GALNTL5: variants seen among roughly 807,000 people sequenced by gnomAD.
GALNTL5 encodes the protein inactive polypeptide N-acetylgalactosaminyltransferase-like protein 5.
Under a neutral mutation model 51.0 loss-of-function variants are expected in GALNTL5, and 44 were observed. The ratio of observed to expected loss-of-function variants is 0.86; its 90% CI spans 0.68 to 1.11. The LOEUF is 1.11. GALNTL5 is among the 50% of genes least tolerant of loss of function. The pLI, the probability that GALNTL5 is intolerant of heterozygous loss-of-function variation, is 0.00. For synonymous variants in GALNTL5, 192 were observed against 182.8 expected (o/e 1.05, Z -0.41); for missense variants, 528 against 531.8 (o/e 0.99, Z 0.07).
chr7:151,968,359 A>C (rs1380534795), intron 2 of GALNTL5, among the ~76,000 whole-genome samples: 1 of 152,222 alleles, frequency 6.6e-6, no homozygotes, highest in Non-Finnish European at 1.5e-5. Flanking sequence ...ATAAACCCAA[A>C]GAAAGATGAA....
chr7:151,996,477 C>T (rs556403921), intron 5 of GALNTL5, among the ~76,000 whole-genome samples: 4 of 152,234 alleles, frequency 2.6e-5, no homozygotes, highest in South Asian at 2.1e-4. Flanking sequence ...CCGTGGCTCA[C>T]GCCTGTAATC....
intron 6 of GALNTL5, among the ~76,000 whole-genome samples, chr7:152,006,352 G>T (rs575487300): frequency 2.0e-5 from 3 of 152,206 alleles, no homozygotes; most frequent in Non-Finnish European, 4.4e-5. Context: ...GCTTTAATAC[G>T]AAAGAGAGAA....
At chr7:152,008,642 C>T (rs138399130) in intron 7 of GALNTL5, among the ~76,000 whole-genome samples, 144 of 151,872 alleles carry the variant, frequency 9.5e-4, no homozygotes, top group African/African-American at 3.4e-3. Context: ...GCTTCAGATA[C>T]TTGATTATGC....
rs2081622773 is a variant in GALNTL5 at position 152,004,743 on chromosome 7, G to A, written c.908+1780G>A. ...TCTGGATTGTTTCACTTAAGATAAT[G>A]GCCTCCAGTTCCATCCATGTTGCAG... On this transcript the variant is annotated intron_variant, in intron 6 of 8. Coordinates refer to ENST00000392800, the MANE Select transcript of GALNTL5 (RefSeq NM_145292.4). 2.0e-5 allele frequency among the ~76,000 whole-genome samples: 3 copies of A among 152,112 alleles called. No individual in the cohort carries two copies. The South Asian group carries it at 6.2e-4, about 32-fold the overall frequency.
At chr7:152,014,546 G>A in intron 7 of GALNTL5, 98 bp from the exon 8 acceptor site, 2 of 1,213,016 alleles carry the variant, frequency 1.6e-6, no homozygotes. Context: ...GGGATTACAG[G>A]CATGAGCCAC....
intron 1 of GALNTL5, among the ~76,000 whole-genome samples, chr7:151,960,930 T>C (rs1182007874): frequency 6.6e-6 from 1 of 152,208 alleles, no homozygotes; most frequent in Non-Finnish European, 1.5e-5. Context: ...TTTGATGCCA[T>C]GGAATTGCTC....
intron 3 of GALNTL5, among the ~76,000 whole-genome samples, chr7:151,980,038 A>G (rs2081259467): frequency 6.6e-6 from 1 of 151,366 alleles, no homozygotes; most frequent in African/African-American, 2.5e-5. Flanking sequence ...GTCTAGTATC[A>G]TATTTTCTCT....
At chr7:152,014,369 G>C (rs1404207229) in intron 7 of GALNTL5, among the ~76,000 whole-genome samples, 1 of 152,052 alleles carries the variant, frequency 6.6e-6, no homozygotes, top group Non-Finnish European at 1.5e-5. Flanking sequence ...CTGAGTTCAA[G>C]CAATTCTCCT....
At chr7:151,981,037 G>T (rs187069058) in intron 3 of GALNTL5, among the ~76,000 whole-genome samples, 1 of 151,952 alleles carries the variant, frequency 6.6e-6, no homozygotes, top group Non-Finnish European at 1.5e-5. Flanking sequence ...GAGCCACCGC[G>T]CCCGGCCACA....
At chr7:151,988,385 C>T (rs955108105) in intron 5 of GALNTL5, among the ~76,000 whole-genome samples, 2 of 152,132 alleles carry the variant, frequency 1.3e-5, no homozygotes, top group Non-Finnish European at 2.9e-5. Flanking sequence ...GCTGGAACCA[C>T]GGGAGGCGAA....
At chr7:151,989,505 G>C (rs946496729) in intron 5 of GALNTL5, among the ~76,000 whole-genome samples, 5 of 151,962 alleles carry the variant, frequency 3.3e-5, no homozygotes, top group Non-Finnish European at 4.4e-5. Context: ...TTCTGAATAG[G>C]TTATTTTTCT....
At chr7:151,959,378 C>T (rs1321124093) in intron 1 of GALNTL5, among the ~76,000 whole-genome samples, 4 of 152,068 alleles carry the variant, frequency 2.6e-5, no homozygotes, top group African/African-American at 4.8e-5. Flanking sequence ...TCTTTTCAGG[C>T]GTCCTAATTC....
At chr7:151,994,502 CCCTT>C (rs1304234942) in intron 5 of GALNTL5, among the ~76,000 whole-genome samples, 1 of 151,936 alleles carries the variant, frequency 6.6e-6, no homozygotes, top group African/African-American at 2.4e-5. Flanking sequence ...CCTGACCTTT[CCCTT>C]CCTTCCTCCC....
chr7:152,000,503 T>C (rs1009015747), intron 5 of GALNTL5, among the ~76,000 whole-genome samples: 4 of 152,190 alleles, frequency 2.6e-5, no homozygotes, highest in African/African-American at 9.6e-5. Context: ...TCCTGTTCTC[T>C]GTACTCCTCC....
intron 1 of GALNTL5, among the ~76,000 whole-genome samples, chr7:151,958,921 A>G (rs35113162): frequency 0.069 from 10,436 of 152,252 alleles, 542 homozygotes; most frequent in African/African-American, 0.13. Flanking sequence ...GATAGTCCCA[A>G]CATGGGGCTG....
rs1272706526 is a variant in GALNTL5 at position 151,982,997 on chromosome 7, A to C, written c.380A>C (p.Lys127Thr). The change falls in exon 4 of 9, where the codon AAA becomes ACA. Residue 127 changes from lysine to threonine, a missense_variant. Coordinates refer to ENST00000392800, the MANE Select transcript of GALNTL5 (RefSeq NM_145292.4). The stretch of plus-strand genomic sequence containing the variant: ...GCTTCTGCCTGCAGGTGTCTTCAAA[A>C]ACATTACCCAGCCCGCCTCCCGACT... ...PDTRSKMCLQKHYPARLPTAS... is the reference protein window; with the variant it reads ...PDTRSKMCLQTHYPARLPTAS... The C allele has an allele frequency of 6.2e-7, 1 of 1,614,036 alleles. No homozygotes were observed. Among genetic ancestry groups the C allele is most frequent in the Non-Finnish European group, 8.5e-7 (1 of 1,180,048 alleles).
chr7:151,971,140 A>AGGTAGAT (rs59993749), intron 3 of GALNTL5, 75 bp downstream of exon 3: 7 of 609,866 alleles, frequency 1.1e-5, no homozygotes, highest in Admixed American at 1.0e-4. Flanking sequence ...GATAGATAGA[A>AGGTAGAT]AGAAAACAGT....
In GALNTL5 at chr7:152,019,649, C is replaced by G; in HGVS notation, c.1180C>G (p.Gln394Glu). ...VHVWLDEYKEQFFLRKPGLKY... is the reference protein window; with the variant it reads ...VHVWLDEYKEEFFLRKPGLKY... ...CTGACTCTATATTTTCATTTAGGAGCAGTTTTTTCTTCGAAAGCCTGGTCT... is the reference window on the plus strand; with the variant it reads ...CTGACTCTATATTTTCATTTAGGAGGAGTTTTTTCTTCGAAAGCCTGGTCT... Residue 394 changes from glutamine to glutamate, a missense_variant, in exon 9 of 9, where the codon CAG (glutamine) becomes GAG (glutamate). Coordinates refer to ENST00000392800, the MANE Select transcript of GALNTL5 (RefSeq NM_145292.4). The G allele has an allele frequency of 6.2e-7, 1 of 1,608,504 alleles. No individual in the cohort carries two copies. Among genetic ancestry groups the G allele is most frequent in the Admixed American group, 1.7e-5 (1 of 59,246 alleles).
At chr7:151,983,724 C>T (rs370186999) in intron 4 of GALNTL5, among the ~76,000 whole-genome samples, 114 of 152,132 alleles carry the variant, frequency 7.5e-4, no homozygotes, top group African/African-American at 2.6e-3. Flanking sequence ...GACATGTCAA[C>T]TGAGGTCTGA....
Sources: allele counts gnomAD v4.1 joint callset (sites outside exome capture counted in the v4.1 genomes callset), GRCh38; gene constraint gnomAD v4.1.1; transcripts MANE v1.5; gene names NCBI Gene and HGNC (gene_info 2026-07-23, HGNC 2026-07-21).